Variants in TRPC6 observed in about 807,000 individuals in gnomAD.
TRPC6 encodes the protein transient receptor potential cation channel subfamily C member 6.
In TRPC6, 55 loss-of-function variants were observed where a neutral mutation model predicts 90.7. That is an observed-to-expected ratio of 0.61 (90% CI 0.49 to 0.76). The LOEUF (loss-of-function observed/expected upper bound fraction) is 0.76, where lower values mean the gene tolerates loss of function less well. Ranked by LOEUF, TRPC6 falls within the 30% of genes least tolerant of loss-of-function variation. TRPC6 has a pLI of 0.00. For missense variants in TRPC6, 989 were observed against 1,122.7 expected, an observed-to-expected ratio of 0.88 and a Z score of 1.70; for synonymous variants, 393 against 393.0, an observed-to-expected ratio of 1.00 and a Z score of 0.00.
intron 1 of TRPC6, among the ~76,000 whole-genome samples, chr11:101,530,736 A>G (rs1485141721): frequency 6.6e-6 from 1 of 152,200 alleles, no homozygotes; most frequent in Non-Finnish European, 1.5e-5. Flanking sequence ...CCCTGGTAAC[A>G]GGCCTGCCAA....
rs537993086 is a variant in TRPC6, at chr11:101,507,996, T to G, written c.171-3198A>C. ...TTTATGTTCAATATTATTTATTATA[T>G]TCTGGGAAATTTCTTCAACTTTAGA... On this transcript the variant is annotated intron_variant, in intron 1 of 12. Coordinates refer to ENST00000344327, the MANE Select transcript of TRPC6 (RefSeq NM_004621.6). Among the ~76,000 whole-genome samples, 3 of 152,204 alleles carry G rather than the reference T, an allele frequency of 2.0e-5. No individual in the cohort carries two copies. The East Asian group carries it at 5.8e-4, about 29-fold the overall frequency.
intron 2 of TRPC6, among the ~76,000 whole-genome samples, chr11:101,492,118 C>T (rs939580232): frequency 6.6e-6 from 1 of 151,990 alleles, no homozygotes; most frequent in Non-Finnish European, 1.5e-5. Flanking sequence ...GGATTACAGG[C>T]GTGAGCCACC....
At chr11:101,513,485 C>A (rs73571974) in intron 1 of TRPC6, among the ~76,000 whole-genome samples, 1,943 of 152,106 alleles carry the variant, frequency 0.013, 39 homozygotes, top group African/African-American at 0.044. Flanking sequence ...TAAAACACAA[C>A]CTGTTCCCAA....
rs144103894 is a variant in TRPC6 at position 101,478,918 on chromosome 11, T to C, written c.1511-2384A>G. 3.9e-3 allele frequency among the ~76,000 whole-genome samples: 589 copies of C among 152,142 alleles called. 2 individuals carry two copies. Among genetic ancestry groups the C allele is most frequent in the African/African-American group, 0.014 (565 of 41,424 alleles). Reference sequence around the variant, plus strand: ...AACCCACCTGCGTGCTCATTAAATCTGTTTTTCTCTAGCAGAGGCAGGTTA... The same window carrying C: ...AACCCACCTGCGTGCTCATTAAATCCGTTTTTCTCTAGCAGAGGCAGGTTA... On this transcript the variant is annotated intron_variant, in intron 5 of 12. Transcript: ENST00000344327.
chr11:101,466,942 C>T (rs1306812667), intron 10 of TRPC6, among the ~76,000 whole-genome samples: 2 of 150,854 alleles, frequency 1.3e-5, no homozygotes, highest in African/African-American at 5.0e-5. Context: ...GTTCCTCAGG[C>T]TCAGTCCCTC....
chr11:101,572,864 G>T (rs1419904312), intron 1 of TRPC6, among the ~76,000 whole-genome samples: 2 of 152,090 alleles, frequency 1.3e-5, no homozygotes, highest in Admixed American at 1.3e-4. Flanking sequence ...TTCAGGGGGT[G>T]AGGGGCTATG....
chr11:101,548,739 A>G (rs1462433607), intron 1 of TRPC6, among the ~76,000 whole-genome samples: 1 of 151,884 alleles, frequency 6.6e-6, no homozygotes, highest in East Asian at 1.9e-4. Flanking sequence ...TTTCCACACA[A>G]TGAAATATAG....
intron 1 of TRPC6, among the ~76,000 whole-genome samples, chr11:101,536,658 C>A (rs1861055672): frequency 6.6e-6 from 1 of 151,930 alleles, no homozygotes; most frequent in African/African-American, 2.4e-5. Flanking sequence ...TTTGAGGAGC[C>A]AAAAGTCCAG....
chr11:101,487,111 G>T (rs1859694672), intron 4 of TRPC6, among the ~76,000 whole-genome samples: 1 of 152,058 alleles, frequency 6.6e-6, no homozygotes, highest in Non-Finnish European at 1.5e-5. Flanking sequence ...TAACTCTAAG[G>T]ATTGCCAAAA....
chr11:101,531,721 C>G (rs1348193017), intron 1 of TRPC6, among the ~76,000 whole-genome samples: 1 of 152,140 alleles, frequency 6.6e-6, no homozygotes, highest in Non-Finnish European at 1.5e-5. Flanking sequence ...CCCAAATCAG[C>G]AAATTTTCCA....
In TRPC6 at chr11:101,473,536, C is replaced by T; in HGVS notation, c.1982G>A (p.Gly661Asp). 1 of 1,613,384 alleles carries T rather than the reference C, an allele frequency of 6.2e-7. No homozygotes were observed. Among genetic ancestry groups the T allele is most frequent in the Non-Finnish European group, 8.5e-7 (1 of 1,179,588 alleles). ...TGTGAAGGCTTCATTTTGTTTTGCA[C>T]CAATGTAGTAGGAGTAGAGATTGAA... is the stretch of plus-strand genomic sequence containing the variant. ...GMFNLYSYYIGAKQNEAFTTV... is the reference protein window; with the variant it reads ...GMFNLYSYYIDAKQNEAFTTV... Residue 661 changes from glycine (G) to aspartate (D), a missense_variant, in exon 7 of 13, where the codon GGT becomes GAT. By Grantham distance (94) the Gly-to-Asp change is moderately conservative (BLOSUM62 -1). This residue lies in a region of TRPC6 where 118 missense variants were observed against 197.6 expected (regional missense o/e 0.60). Transcript: ENST00000344327.
chr11:101,553,299 C>G (rs1384761323), intron 1 of TRPC6, among the ~76,000 whole-genome samples: 1 of 151,984 alleles, frequency 6.6e-6, no homozygotes, highest in Non-Finnish European at 1.5e-5. Flanking sequence ...CCATCTCTGC[C>G]TACTCTGATA....
intron 1 of TRPC6, among the ~76,000 whole-genome samples, chr11:101,541,430 C>T (rs564698400): frequency 4.6e-5 from 7 of 152,284 alleles, no homozygotes; most frequent in South Asian, 2.1e-4. Context: ...AGTGCCATCT[C>T]GGCTCACTGC....
At chr11:101,472,090 A>G (rs769580855) in intron 8 of TRPC6, 47 bp downstream of exon 8, 4 of 1,570,106 alleles carry the variant, frequency 2.5e-6, no homozygotes, top group Non-Finnish European at 3.5e-6. Flanking sequence ...CCCTTGGAAT[A>G]GTTAAAACAT....
chr11:101,516,598 T>C (rs1404097163), intron 1 of TRPC6, among the ~76,000 whole-genome samples: 4 of 152,222 alleles, frequency 2.6e-5, no homozygotes. Flanking sequence ...CTTGGTAGAA[T>C]AAGGAAGGGA....
chr11:101,529,388 G>A (rs1029222028), intron 1 of TRPC6, among the ~76,000 whole-genome samples: 16 of 152,226 alleles, frequency 1.1e-4, no homozygotes, highest in South Asian at 4.1e-4. Flanking sequence ...AACAGGAGAT[G>A]CTGCTGCTTC....
At chr11:101,487,042 A>G (rs998564380) in intron 4 of TRPC6, among the ~76,000 whole-genome samples, 2 of 152,198 alleles carry the variant, frequency 1.3e-5, no homozygotes, top group African/African-American at 4.8e-5. Flanking sequence ...TGGCCAGGGA[A>G]GAAGAAATAG....
intron 1 of TRPC6, among the ~76,000 whole-genome samples, chr11:101,579,046 C>T (rs909082630): frequency 6.6e-6 from 1 of 151,810 alleles, no homozygotes; most frequent in Non-Finnish European, 1.5e-5. Context: ...AAAATCCTTA[C>T]CCATTATCTA....
At chr11:101,457,522 G>A (rs931719448) in intron 10 of TRPC6, among the ~76,000 whole-genome samples, 1 of 152,184 alleles carries the variant, frequency 6.6e-6, no homozygotes, top group Non-Finnish European at 1.5e-5. Context: ...CCCACAAGCA[G>A]TAAATGTCCT....
Sources: allele counts gnomAD v4.1 joint callset (sites outside exome capture counted in the v4.1 genomes callset), GRCh38; gene constraint gnomAD v4.1.1; regional missense constraint gnomAD v4.1.1; transcripts MANE v1.5; gene names NCBI Gene and HGNC (gene_info 2026-07-23, HGNC 2026-07-21).